ABI3BP: variants seen among roughly 807,000 people sequenced by gnomAD.
ABI3BP encodes target of Nesh-SH3.
ABI3BP carries 216 observed loss-of-function variants against 268.6 expected under a neutral mutation model. That is an observed-to-expected ratio of 0.80 (90% confidence interval 0.72 to 0.90). ABI3BP has a LOEUF of 0.90. Ranked by LOEUF, ABI3BP falls within the 40% of genes least tolerant of loss-of-function variation. ABI3BP has a pLI of 0.00. For missense variants in ABI3BP, 2,090 were observed against 2,182.4 expected, an observed-to-expected ratio of 0.96 and a Z score of 0.84; for synonymous variants, 730 against 730.0, an observed-to-expected ratio of 1.00 and a Z score of 0.00.
chr3:100,851,769 C>A, intron 15 of ABI3BP, 106 bp downstream of exon 15: 2 of 914,164 alleles, frequency 2.2e-6, no homozygotes, highest in Admixed American at 2.9e-5. Context: ...TTCTCCCATG[C>A]AGAGCTCCAG....
intron 54 of ABI3BP, 39 bp downstream of exon 54, chr3:100,794,883 AG>A (rs2097299135): frequency 1.4e-6 from 2 of 1,449,822 alleles, no homozygotes; most frequent in Admixed American, 2.0e-5. Context: ...AATTCCTAAA[AG>A]GCAAGCTCTC....
Position 100,796,439 on chromosome 3 carries a change from G to GT in ABI3BP, c.3786dup (p.Pro1263ThrfsTer4), listed in dbSNP as rs1331634715. The GT allele has an allele frequency of 6.2e-7, 1 of 1,603,050 alleles. No homozygotes were observed. Among genetic ancestry groups the GT allele is most frequent in the Non-Finnish European group, 8.5e-7 (1 of 1,174,316 alleles). On this transcript the variant is annotated frameshift_variant, in exon 52 of 68. Coordinates refer to ENST00000471714, the MANE Select transcript of ABI3BP (RefSeq NM_001375547.2). LOFTEE classifies it high-confidence loss of function. ...TCGCTCTGAGAGACCTCAGGGTATG[G>GT]TTTATGAGGAAGGAGCACATCTTTT...
chr3:100,875,212 A>G (rs879830282), intron 8 of ABI3BP, among the ~76,000 whole-genome samples: 2 of 152,216 alleles, frequency 1.3e-5, no homozygotes. Flanking sequence ...AAAGATTATT[A>G]TCAATAACAA....
rs1419108046 is a variant in ABI3BP, at chr3:100,840,064, A to C, written c.1897+8T>G. On this transcript the variant is annotated splice_region_variant and intron_variant, in intron 23 of 67. Coordinates refer to ENST00000471714, the MANE Select transcript of ABI3BP (RefSeq NM_001375547.2). ...CTATGTTAATTGGAACCTGAATATC[A>C]CATTTACCGGGTTTGGACTTGGGCA... is the stretch of plus-strand genomic sequence containing the variant. The C allele has an allele frequency of 1.4e-6, 2 of 1,455,562 alleles. No individual in the cohort carries two copies. The highest frequency in any genetic ancestry group is 1.2e-5 in the South Asian group (1 of 82,788). 90.2% of individuals were successfully genotyped at this position (1,455,562 alleles called of 1,614,324 possible). A position where few individuals can be genotyped will look rare whatever the true frequency, so the allele number is the denominator to read the frequency against.
chr3:100,925,061 C>A (rs1056376400), intron 2 of ABI3BP, among the ~76,000 whole-genome samples: 2 of 152,090 alleles, frequency 1.3e-5, no homozygotes, highest in Non-Finnish European at 2.9e-5. Context: ...ATGCTTACCT[C>A]TCAGTTTTTT....
At chr3:100,764,676 C>T (rs1276275892) in intron 63 of ABI3BP, among the ~76,000 whole-genome samples, 2 of 152,188 alleles carry the variant, frequency 1.3e-5, no homozygotes, top group East Asian at 3.8e-4. Flanking sequence ...TTCATAAGCA[C>T]AAATTCACCT....
intron 1 of ABI3BP, among the ~76,000 whole-genome samples, chr3:100,951,743 T>A (rs984795136): frequency 6.6e-6 from 1 of 151,948 alleles, no homozygotes; most frequent in African/African-American, 2.4e-5. Context: ...ATGACTTTGC[T>A]TCATTACCAT....
At chr3:100,795,691 A>C in intron 53 of ABI3BP, 113 bp downstream of exon 53, 1 of 853,910 alleles carries the variant, frequency 1.2e-6, no homozygotes, top group East Asian at 7.2e-5. Flanking sequence ...AATGAGAATG[A>C]AATGATGAAT....
At chr3:100,946,888 T>C (rs2072673532) in intron 1 of ABI3BP, among the ~76,000 whole-genome samples, 1 of 152,180 alleles carries the variant, frequency 6.6e-6, no homozygotes. Context: ...AAGAATAGTT[T>C]AGGCTATACT....
rs980645630 is a variant in ABI3BP, at chr3:100,838,108, T to C, written c.2083+102A>G. On this transcript the variant is annotated intron_variant, in intron 26 of 67. Transcript: ENST00000471714. ...GAAGATAATGAACAAAATTATGGTA[T>C]TTGGATTTCTATGATTTATATGATA... 6.2e-6 allele frequency: 8 copies of C among 1,296,308 alleles called. No individual in the cohort carries two copies. The Middle Eastern group carries it at 5.6e-4, about 90-fold the overall frequency. 80.3% of individuals were successfully genotyped at this position (1,296,308 alleles called of 1,614,324 possible). A position where few individuals can be genotyped will look rare whatever the true frequency, so the allele number is the denominator to read the frequency against.
At chr3:100,818,111 T>A (rs1044972967) in intron 41 of ABI3BP, among the ~76,000 whole-genome samples, 2 of 152,094 alleles carry the variant, frequency 1.3e-5, no homozygotes, top group African/African-American at 4.8e-5. Context: ...AAAACATCAT[T>A]CCTTGAAACA....
At chr3:100,904,893 C>T (rs927706849) in intron 2 of ABI3BP, among the ~76,000 whole-genome samples, 6 of 152,298 alleles carry the variant, frequency 3.9e-5, no homozygotes, top group Non-Finnish European at 5.9e-5. Flanking sequence ...CCATTTGATC[C>T]AGCCATCCCA....
At chr3:100,890,263 A>G (rs2043946751) in intron 4 of ABI3BP, among the ~76,000 whole-genome samples, 1 of 152,098 alleles carries the variant, frequency 6.6e-6, no homozygotes, top group South Asian at 2.1e-4. Flanking sequence ...TTGACTCTTC[A>G]TGTCAAAGAA....
intron 37 of ABI3BP, 91 bp from the exon 38 acceptor site, chr3:100,822,763 G>T (rs2098267783): frequency 8.9e-7 from 1 of 1,118,254 alleles, no homozygotes; most frequent in Non-Finnish European, 1.3e-6. Context: ...TCTACTGCTT[G>T]ATAGATATTT....
intron 12 of ABI3BP, chr3:100,863,146 C>T (rs559232663): frequency 3.0e-4 from 129 of 423,938 alleles, no homozygotes; most frequent in African/African-American, 2.5e-3. Context: ...TTCTTTCCAC[C>T]CTTATTAAAC....
chr3:100,757,533 CAAAGT>C (rs2095687440), intron 63 of ABI3BP, among the ~76,000 whole-genome samples: 1 of 147,694 alleles, frequency 6.8e-6, no homozygotes, highest in Non-Finnish European at 1.5e-5. Flanking sequence ...AGAATAGTAT[CAAAGT>C]AAAACAACTT....
At chr3:100,906,214 G>A (rs997208788) in intron 2 of ABI3BP, among the ~76,000 whole-genome samples, 2 of 152,128 alleles carry the variant, frequency 1.3e-5, no homozygotes, top group African/African-American at 4.8e-5. Context: ...AACATATACA[G>A]AAGCCAAAGA....
intron 56 of ABI3BP, among the ~76,000 whole-genome samples, chr3:100,788,801 A>G (rs1250243225): frequency 6.6e-6 from 1 of 152,026 alleles, no homozygotes; most frequent in African/African-American, 2.4e-5. Flanking sequence ...ATCATTTGGA[A>G]CTTTAAGAGT....
At chr3:100,876,377 A>G in intron 7 of ABI3BP, 135 bp downstream of exon 7, 1 of 786,554 alleles carries the variant, frequency 1.3e-6, no homozygotes, top group Non-Finnish European at 2.0e-6. Context: ...TTACTAGACC[A>G]TTATATTTTC....
Sources: allele counts gnomAD v4.1 joint callset (sites outside exome capture counted in the v4.1 genomes callset), GRCh38; gene constraint gnomAD v4.1.1; transcripts MANE v1.5; gene names NCBI Gene and HGNC (gene_info 2026-07-23, HGNC 2026-07-21).